The following DCK variants were observed in gnomAD, a reference collection of about 807,000 sequenced individuals.
DCK encodes the protein deoxycytidine kinase, also known as deoxyadenosine kinase.
A neutral mutation model predicts 38.3 loss-of-function variants in DCK; 23 were observed. The ratio of observed to expected loss-of-function variants is 0.60; its 90% CI spans 0.43 to 0.85. The LOEUF (loss-of-function observed/expected upper bound fraction) is 0.85. Ranked by LOEUF, DCK falls within the 40% of genes least tolerant of loss-of-function variation. The pLI is 0.00. For synonymous variants in DCK, 108 were observed against 100.6 expected, an observed-to-expected ratio of 1.07 and a Z score of -0.44; for missense variants, 259 against 304.4, an observed-to-expected ratio of 0.85 and a Z score of 1.11.
intron 1 of DCK, among the ~76,000 whole-genome samples, chr4:70,995,922 A>T (rs1739649944): frequency 6.6e-6 from 1 of 151,448 alleles, no homozygotes; most frequent in Non-Finnish European, 1.5e-5. Context: ...TTGAAAAAAA[A>T]TTTTACTGGC....
chr4:71,029,393 A>G lies in DCK; in HGVS notation c.*15A>G, dbSNP rs759359487. 5 of 1,599,574 alleles carry G rather than the reference A, an allele frequency of 3.1e-6. No individual in the cohort carries two copies. The highest frequency in any genetic ancestry group is 3.4e-6 in the Non-Finnish European group (4 of 1,167,410). On this transcript the variant is annotated 3_prime_UTR_variant, in exon 7 of 7. Transcript: ENST00000286648. ...GTACTTTGTGATCTTGCTGAAGACT[A>G]CAGGCAGCCAAATGGTTCCAGATAC...
At chr4:71,010,939 CTTT>C (rs112039606) in intron 2 of DCK, among the ~76,000 whole-genome samples, 3 of 141,408 alleles carry the variant, frequency 2.1e-5, no homozygotes, top group Non-Finnish European at 1.6e-5. Flanking sequence ...ATAAGTCATT[CTTT>C]TTTTTTTTTT....
At chr4:70,998,037 C>A in intron 1 of DCK, 30 bp from the exon 2 acceptor site, 2 of 1,214,370 alleles carry the variant, frequency 1.6e-6, no homozygotes, top group East Asian at 2.5e-5. Flanking sequence ...GACAACTTTT[C>A]TTCCTCAATT....
At chr4:71,012,337 G>A (rs548681508) in intron 2 of DCK, among the ~76,000 whole-genome samples, 10 of 152,362 alleles carry the variant, frequency 6.6e-5, no homozygotes, top group African/African-American at 2.4e-4. Flanking sequence ...TCCACCTCTG[G>A]GGGCAGGGCA....
chr4:71,021,409 T>G (rs1740423199), intron 2 of DCK, among the ~76,000 whole-genome samples: 1 of 151,978 alleles, frequency 6.6e-6, no homozygotes, highest in African/African-American at 2.4e-5. Context: ...ATGATAAGAG[T>G]TTTTACTTCA....
chr4:71,009,537 A>G (rs1384835461), intron 2 of DCK, among the ~76,000 whole-genome samples: 1 of 152,146 alleles, frequency 6.6e-6, no homozygotes, highest in Non-Finnish European at 1.5e-5. Flanking sequence ...CTTTCCATAT[A>G]CTTGATTCAG....
At chr4:71,013,984 A>G (rs931730530) in intron 2 of DCK, among the ~76,000 whole-genome samples, 3 of 152,222 alleles carry the variant, frequency 2.0e-5, no homozygotes, top group Admixed American at 2.0e-4. Context: ...AATTGGATAA[A>G]GACTCAAGAC....
At chr4:71,025,702 G>T in intron 4 of DCK, 114 bp from the exon 5 acceptor site, 1 of 1,333,300 alleles carries the variant, frequency 7.5e-7, no homozygotes, top group Non-Finnish European at 9.9e-7. Context: ...GAAGTAATAA[G>T]TAGAGATTTT....
At position 71,029,692 on chromosome 4, in the gene DCK, C is replaced by T; in HGVS notation, c.*314C>T. 1 of 248,064 alleles carries T rather than the reference C, an allele frequency of 4.0e-6. No individual in the cohort carries two copies. The highest frequency in any genetic ancestry group is 7.7e-6 in the Non-Finnish European group (1 of 129,998). 15.4% of individuals were successfully genotyped at this position (248,064 alleles called of 1,614,324 possible). On this transcript the variant is annotated 3_prime_UTR_variant, in exon 7 of 7. Coordinates refer to ENST00000286648, the MANE Select transcript of DCK (RefSeq NM_000788.3). ...AAAGATCCAGCTTCCTTCTGTCATT[C>T]CCCTCTTTTGTCTTCCTCAGCAGGT...
chr4:71,019,990 G>T (rs1434490822), intron 2 of DCK, among the ~76,000 whole-genome samples: 1 of 152,158 alleles, frequency 6.6e-6, no homozygotes, highest in East Asian at 1.9e-4. Flanking sequence ...GTTTCACCAT[G>T]TTGGCCAAGC....
chr4:71,015,559 G>T (rs1182388482), intron 2 of DCK, among the ~76,000 whole-genome samples: 1 of 152,188 alleles, frequency 6.6e-6, no homozygotes, highest in Non-Finnish European at 1.5e-5. Context: ...ACTGAATCCA[G>T]CAGCACATCA....
chr4:71,011,510 A>G (rs1162805897), intron 2 of DCK, among the ~76,000 whole-genome samples: 1 of 151,976 alleles, frequency 6.6e-6, no homozygotes, highest in African/African-American at 2.4e-5. Flanking sequence ...GCCCACACCA[A>G]CATGCCCGGC....
At chr4:71,010,032 G>A (rs1740044431) in intron 2 of DCK, among the ~76,000 whole-genome samples, 1 of 152,096 alleles carries the variant, frequency 6.6e-6, no homozygotes. Flanking sequence ...GGCAAGGTCA[G>A]TCCTACTTTG....
At chr4:71,014,126 C>G (rs1172066154) in intron 2 of DCK, among the ~76,000 whole-genome samples, 7 of 152,168 alleles carry the variant, frequency 4.6e-5, no homozygotes, top group Non-Finnish European at 2.9e-5. Flanking sequence ...ATCCTAGTCT[C>G]TGATAAAACA....
intron 6 of DCK, among the ~76,000 whole-genome samples, chr4:71,027,834 C>G (rs183476275): frequency 1.2e-3 from 181 of 152,270 alleles, no homozygotes; most frequent in Non-Finnish European, 2.1e-3. Flanking sequence ...TAAGTATTAA[C>G]AGCCAACCAT....
Position 71,029,474 on chromosome 4 carries a change from C to T in DCK, c.*96C>T, listed in dbSNP as rs1321212248. 4 of 901,608 alleles carry T rather than the reference C, an allele frequency of 4.4e-6. No homozygotes were observed. The highest frequency in any genetic ancestry group is 7.0e-6 in the Non-Finnish European group (4 of 573,494). 55.9% of individuals were successfully genotyped at this position (901,608 alleles called of 1,614,324 possible). On this transcript the variant is annotated 3_prime_UTR_variant, in exon 7 of 7. Coordinates refer to ENST00000286648, the MANE Select transcript of DCK (RefSeq NM_000788.3). ...TTAATATAAGTTTCTTTAGAAAACC[C>T]AAGTTTTTAATCGTTTTTGTTTTAA...
intron 2 of DCK, among the ~76,000 whole-genome samples, chr4:71,001,887 GTCTA>G (rs1367550970): frequency 1.3e-5 from 2 of 152,154 alleles, no homozygotes; most frequent in African/African-American, 2.4e-5. Flanking sequence ...CTGGCTAGTG[GTCTA>G]TCTATTTTGT....
intron 1 of DCK, among the ~76,000 whole-genome samples, chr4:70,996,741 C>T (rs1376186383): frequency 6.6e-6 from 1 of 152,110 alleles, no homozygotes; most frequent in Non-Finnish European, 1.5e-5. Flanking sequence ...TATAACCCAT[C>T]TTCTTATGTT....
intron 1 of DCK, among the ~76,000 whole-genome samples, chr4:70,997,715 G>A (rs1739692209): frequency 1.3e-5 from 2 of 152,174 alleles, no homozygotes; most frequent in South Asian, 4.1e-4. Flanking sequence ...CACAGGGAAA[G>A]AGAGAGAACA....
Sources: allele counts gnomAD v4.1 joint callset (sites outside exome capture counted in the v4.1 genomes callset), GRCh38; gene constraint gnomAD v4.1.1; transcripts MANE v1.5; gene names NCBI Gene and HGNC (gene_info 2026-07-23, HGNC 2026-07-21).